RANBP2: variants seen among roughly 807,000 people sequenced by gnomAD.
The protein encoded by RANBP2 is E3 SUMO-protein ligase RanBP2.
In RANBP2, 57 loss-of-function variants were observed where a neutral mutation model predicts 303.6. The observed-to-expected ratio is 0.19, with a 90% confidence interval of 0.15 to 0.23. RANBP2 has a LOEUF of 0.23. Among genes scored for constraint, RANBP2 ranks in the 10% least tolerant of loss-of-function variants. The pLI is 1.00. For missense variants in RANBP2, 3,138 were observed against 3,780.8 expected (o/e 0.83, Z 4.46); for synonymous variants, 1,167 against 1,301.5 (o/e 0.90, Z 2.23).
At chr2:109,302,293 C>T in the RANBP2 span, among the ~76,000 whole-genome samples, 1 of 152,148 alleles carries the variant, frequency 6.6e-6, no homozygotes, top group Non-Finnish European at 1.5e-5. Context: ...TGACTGTAAT[C>T]ATCCATAACA....
chr2:109,584,618 A>G, the RANBP2 span, among the ~76,000 whole-genome samples: 1 of 152,102 alleles, frequency 6.6e-6, no homozygotes, highest in South Asian at 2.1e-4. Context: ...ATACGACCTT[A>G]GGAGAAATAT....
the RANBP2 span, among the ~76,000 whole-genome samples, chr2:108,850,439 G>GT: frequency 2.6e-5 from 4 of 151,850 alleles, no homozygotes; most frequent in African/African-American, 4.8e-5. Context: ...TACTTGGCGA[G>GT]TTTTTTTTGT....
the RANBP2 span, among the ~76,000 whole-genome samples, chr2:108,889,541 C>CT: frequency 6.6e-6 from 1 of 150,758 alleles, no homozygotes; most frequent in African/African-American, 2.5e-5. Flanking sequence ...TATATAATAA[C>CT]CTTTTTTTCT....
the RANBP2 span, among the ~76,000 whole-genome samples, chr2:109,036,137 A>G: frequency 6.6e-6 from 1 of 152,248 alleles, no homozygotes; most frequent in African/African-American, 2.4e-5. Flanking sequence ...TGCTAATGTC[A>G]AGAAAGCTAC....
At chr2:109,728,754 G>A in the RANBP2 span, among the ~76,000 whole-genome samples, 125,640 of 149,042 alleles carry the variant, frequency 0.84, 54,089 homozygotes, top group East Asian at 0.97. Flanking sequence ...GCCCGGCAAT[G>A]CTAGATTTTA....
At chr2:109,475,393 C>T in the RANBP2 span, among the ~76,000 whole-genome samples, 1 of 152,256 alleles carries the variant, frequency 6.6e-6, no homozygotes, top group Non-Finnish European at 1.5e-5. Flanking sequence ...CTACCAGTCC[C>T]CCTGCCTTCC....
the RANBP2 span, chr2:108,883,967 G>T: frequency 6.6e-6 from 1 of 152,274 alleles, no homozygotes; most frequent in East Asian, 1.9e-4. Context: ...TCCTAGGCTG[G>T]AGTGCAGTGG....
the RANBP2 span, among the ~76,000 whole-genome samples, chr2:108,863,535 G>T: frequency 6.6e-6 from 1 of 152,142 alleles, no homozygotes; most frequent in Non-Finnish European, 1.5e-5. Flanking sequence ...GAGCTTTGTT[G>T]GGCATCATCA....
intron 18 of RANBP2, among the ~76,000 whole-genome samples, chr2:108,759,491 T>C (rs1470043348): frequency 1.3e-5 from 2 of 151,204 alleles, no homozygotes; most frequent in Non-Finnish European, 3.0e-5. Context: ...AGTAGTGCCC[T>C]TTTTTTTTCT....
the RANBP2 span, among the ~76,000 whole-genome samples, chr2:109,206,591 T>C: frequency 6.6e-6 from 1 of 151,010 alleles, no homozygotes; most frequent in Non-Finnish European, 1.5e-5. Flanking sequence ...GGAGGATAGC[T>C]TGAGGCTGGA....
chr2:109,253,181 C>A, the RANBP2 span, among the ~76,000 whole-genome samples: 1 of 152,274 alleles, frequency 6.6e-6, no homozygotes, highest in African/African-American at 2.4e-5. Flanking sequence ...CTACGTGCCA[C>A]CATGCCTGGC....
At chr2:109,417,179 G>A in the RANBP2 span, among the ~76,000 whole-genome samples, 32 of 152,186 alleles carry the variant, frequency 2.1e-4, no homozygotes, top group Non-Finnish European at 2.2e-4. Context: ...CATCCTCTGC[G>A]CAGATGCCTG....
At chr2:108,755,669 A>G (rs1202015515) in intron 17 of RANBP2, among the ~76,000 whole-genome samples, 4 of 152,074 alleles carry the variant, frequency 2.6e-5, no homozygotes, top group Non-Finnish European at 5.9e-5. Context: ...CTGGGATTGC[A>G]GGTGTGAGCC....
At chr2:108,955,685 G>T in the RANBP2 span, among the ~76,000 whole-genome samples, 1 of 150,776 alleles carries the variant, frequency 6.6e-6, no homozygotes, top group African/African-American at 2.4e-5. Flanking sequence ...TAGCCTGGGC[G>T]ACAGAGTGAG....
At chr2:108,787,000 C>T (rs62151257), downstream of RANBP2, 5,978 of 912,534 alleles carry the variant, frequency 6.6e-3, 27 homozygotes, top group Middle Eastern at 7.9e-3. Flanking sequence ...GGCCTGGGGG[C>T]GCGCAGCGGC....
At chr2:108,983,233 G>A in the RANBP2 span, among the ~76,000 whole-genome samples, 1 of 152,158 alleles carries the variant, frequency 6.6e-6, no homozygotes, top group Non-Finnish European at 1.5e-5. Context: ...ATTATGGACA[G>A]GAGGCTTTAG....
At chr2:108,888,415 A>AT in the RANBP2 span, among the ~76,000 whole-genome samples, 1 of 151,942 alleles carries the variant, frequency 6.6e-6, no homozygotes, top group Non-Finnish European at 1.5e-5. Context: ...CTTCTCTTCA[A>AT]TTTTTTGGAA....
chr2:109,351,648 G>C, the RANBP2 span, among the ~76,000 whole-genome samples: 1 of 152,242 alleles, frequency 6.6e-6, no homozygotes, highest in Non-Finnish European at 1.5e-5. Context: ...ATCCTCAGAG[G>C]CCACGGGGTT....
chr2:109,398,318 T>G, the RANBP2 span, among the ~76,000 whole-genome samples: 1 of 152,150 alleles, frequency 6.6e-6, no homozygotes, highest in Non-Finnish European at 1.5e-5. Context: ...TTGAAAAGAT[T>G]GGGGCGACAA....
Sources: allele counts gnomAD v4.1 joint callset (sites outside exome capture counted in the v4.1 genomes callset), GRCh38; gene constraint gnomAD v4.1.1; transcripts MANE v1.5; gene names NCBI Gene and HGNC (gene_info 2026-07-23, HGNC 2026-07-21).